Variants in NRXN3 observed in about 807,000 individuals in gnomAD.
NRXN3 encodes neurexin III.
In NRXN3, 32 loss-of-function variants were observed where a neutral mutation model predicts 137.6. The observed-to-expected ratio is 0.23, with a 90% confidence interval of 0.18 to 0.31. The LOEUF (loss-of-function observed/expected upper bound fraction) is 0.31, where lower values mean the gene tolerates loss of function less well. NRXN3 is among the 10% of genes least tolerant of loss of function. The probability of loss-of-function intolerance (pLI) is 1.00; values close to 1 mark genes in which losing one functional copy is unlikely to be tolerated. For synonymous variants in NRXN3, 798 were observed against 784.5 expected (o/e 1.02, Z -0.29); for missense variants, 1,574 against 2,062.5 (o/e 0.76, Z 4.59).
chr14:78,556,924 C>G (rs1226709442), intron 4 of NRXN3, among the ~76,000 whole-genome samples: 1 of 110,652 alleles, frequency 9.0e-6, no homozygotes, highest in African/African-American at 3.4e-5. Context: ...CCTTCCCCTC[C>G]TCCTCCCCTG....
intron 4 of NRXN3, among the ~76,000 whole-genome samples, chr14:78,376,708 G>A (rs907666028): frequency 6.6e-6 from 1 of 152,108 alleles, no homozygotes; most frequent in Non-Finnish European, 1.5e-5. Flanking sequence ...GTTTTCTCTA[G>A]CCCCAAAACT....
intron 4 of NRXN3, among the ~76,000 whole-genome samples, chr14:78,378,866 A>G (rs1408431463): frequency 6.6e-6 from 1 of 152,178 alleles, no homozygotes; most frequent in East Asian, 1.9e-4. Flanking sequence ...GAACAACAAA[A>G]TTGACACAAC....
intron 4 of NRXN3, among the ~76,000 whole-genome samples, chr14:78,641,004 C>G (rs1332011793): frequency 6.6e-6 from 1 of 152,142 alleles, no homozygotes; most frequent in African/African-American, 2.4e-5. Context: ...ATTTTCTCCA[C>G]CTATTTAGCT....
At chr14:79,039,151 GTA>G (rs1424696166) in intron 15 of NRXN3, among the ~76,000 whole-genome samples, 3 of 152,080 alleles carry the variant, frequency 2.0e-5, no homozygotes, top group Admixed American at 2.0e-4. Flanking sequence ...ACTTGGAACT[GTA>G]TCTATGGAAT....
At chr14:79,626,010 C>T (rs1044825727) in intron 16 of NRXN3, among the ~76,000 whole-genome samples, 3 of 152,110 alleles carry the variant, frequency 2.0e-5, no homozygotes, top group Admixed American at 1.3e-4. Flanking sequence ...TATATAATGA[C>T]TAGCCTCTGT....
At chr14:78,218,693 A>G (rs796628018) in intron 1 of NRXN3, among the ~76,000 whole-genome samples, 2 of 152,328 alleles carry the variant, frequency 1.3e-5, no homozygotes, top group African/African-American at 4.8e-5. Context: ...GGCTTTTCAA[A>G]TTTTCTACCT....
chr14:79,417,611 G>C (rs1268377857), intron 15 of NRXN3, among the ~76,000 whole-genome samples: 1 of 151,994 alleles, frequency 6.6e-6, no homozygotes, highest in Non-Finnish European at 1.5e-5. Flanking sequence ...AATATCCTGG[G>C]GCTGGGCACT....
chr14:79,598,713 T>C (rs1167890314), intron 16 of NRXN3, among the ~76,000 whole-genome samples: 3 of 152,172 alleles, frequency 2.0e-5, no homozygotes, highest in Non-Finnish European at 2.9e-5. Flanking sequence ...GGTTGTGGGT[T>C]TGGGGAGAAG....
At chr14:79,793,167 CAA>C (rs1421733561) in intron 19 of NRXN3, among the ~76,000 whole-genome samples, 1 of 151,984 alleles carries the variant, frequency 6.6e-6, no homozygotes, top group Non-Finnish European at 1.5e-5. Flanking sequence ...CGCGGTGGCT[CAA>C]GCCTGTAATC....
At chr14:78,515,998 G>A (rs770459230) in intron 4 of NRXN3, among the ~76,000 whole-genome samples, 1 of 152,106 alleles carries the variant, frequency 6.6e-6, no homozygotes, top group East Asian at 1.9e-4. Context: ...ATTCGTTGCT[G>A]TGAGGACTAA....
intron 16 of NRXN3, among the ~76,000 whole-genome samples, chr14:79,599,492 TAAAAC>T (rs142723904): frequency 0.057 from 8,610 of 152,254 alleles, 248 homozygotes; most frequent in East Asian, 0.081. Context: ...CACCCCAACC[TAAAAC>T]AAAACAAAAC....
At chr14:78,821,506 G>A (rs1035511334) in intron 10 of NRXN3, among the ~76,000 whole-genome samples, 10 of 152,024 alleles carry the variant, frequency 6.6e-5, no homozygotes, top group Non-Finnish European at 1.0e-4. Flanking sequence ...CAACAGAAAC[G>A]GAATGCTTGA....
intron 4 of NRXN3, among the ~76,000 whole-genome samples, chr14:78,619,358 A>T (rs755631334): frequency 6.6e-6 from 1 of 152,044 alleles, no homozygotes; most frequent in African/African-American, 2.4e-5. Context: ...CTAATCCCCA[A>T]TGTGATGGTA....
At chr14:78,828,976 C>T (rs932483642) in intron 10 of NRXN3, among the ~76,000 whole-genome samples, 2 of 152,084 alleles carry the variant, frequency 1.3e-5, no homozygotes, top group Non-Finnish European at 2.9e-5. Flanking sequence ...GAATTTTGGA[C>T]ATTTGATACT....
At chr14:78,862,070 G>A (rs1279436506) in intron 10 of NRXN3, among the ~76,000 whole-genome samples, 2 of 152,048 alleles carry the variant, frequency 1.3e-5, no homozygotes, top group African/African-American at 4.8e-5. Context: ...TCTACATAAG[G>A]CAGTTTAATA....
At chr14:78,382,528 A>G (rs2089302875) in intron 4 of NRXN3, among the ~76,000 whole-genome samples, 1 of 152,206 alleles carries the variant, frequency 6.6e-6, no homozygotes, top group South Asian at 2.1e-4. Flanking sequence ...TAGCATTGCA[A>G]GTGTTACAAG....
At chr14:78,827,330 G>T (rs1371092200) in intron 10 of NRXN3, among the ~76,000 whole-genome samples, 3 of 149,856 alleles carry the variant, frequency 2.0e-5, no homozygotes, top group Non-Finnish European at 3.0e-5. Context: ...ACCATCTTTA[G>T]TACAATGCTG....
At chr14:78,339,242 A>T (rs574055426) in intron 4 of NRXN3, among the ~76,000 whole-genome samples, 1 of 152,202 alleles carries the variant, frequency 6.6e-6, no homozygotes, top group South Asian at 2.1e-4. Context: ...ATATTTTCGC[A>T]TGGGAGCAGG....
intron 4 of NRXN3, among the ~76,000 whole-genome samples, chr14:78,442,377 C>T (rs905753004): frequency 6.6e-6 from 1 of 152,040 alleles, no homozygotes; most frequent in Non-Finnish European, 1.5e-5. Context: ...GATGTGGCCA[C>T]AGGCCAAGGA....
Sources: gnomAD v4.1 joint callset for allele counts (sites outside exome capture counted in the v4.1 genomes callset) on GRCh38, gnomAD v4.1.1 for gene constraint, MANE v1.5 for transcripts, NCBI Gene and HGNC (gene_info 2026-07-23, HGNC 2026-07-21) for gene names.